The following SIN3A variants were observed in gnomAD, a reference collection of about 807,000 sequenced individuals.
SIN3A encodes the protein paired amphipathic helix protein Sin3a.
A neutral mutation model predicts 146.1 loss-of-function variants in SIN3A; 14 were observed. The ratio of observed to expected loss-of-function variants is 0.10; its 90% confidence interval spans 0.06 to 0.15. The LOEUF is 0.15. Among genes scored for constraint, SIN3A ranks in the 10% least tolerant of loss-of-function variants. The probability of loss-of-function intolerance (pLI) is 1.00; values close to 1 mark genes in which losing one functional copy is unlikely to be tolerated. For missense variants in SIN3A, 1,028 were observed against 1,576.0 expected (o/e 0.65, Z 5.89); for synonymous variants, 572 against 572.0 (o/e 1.00, Z 0.00).
At chr15:75,395,302 A>C (rs1284871815) in intron 13 of SIN3A, among the ~76,000 whole-genome samples, 1 of 152,216 alleles carries the variant, frequency 6.6e-6, no homozygotes, top group Non-Finnish European at 1.5e-5. Flanking sequence ...ACTGATTCTA[A>C]TAACCCAGAA....
At chr15:75,424,541 A>T (rs1055465551) in intron 2 of SIN3A, among the ~76,000 whole-genome samples, 3 of 151,912 alleles carry the variant, frequency 2.0e-5, no homozygotes, top group African/African-American at 7.3e-5. Flanking sequence ...TGGTACAATC[A>T]TGGCTCACTG....
At chr15:75,439,130 G>A (rs1372326267) in intron 1 of SIN3A, among the ~76,000 whole-genome samples, 1 of 152,102 alleles carries the variant, frequency 6.6e-6, no homozygotes, top group African/African-American at 2.4e-5. Flanking sequence ...TGCCTCCCAA[G>A]GGCACATGTA....
intron 15 of SIN3A, among the ~76,000 whole-genome samples, chr15:75,391,619 G>A (rs1332431504): frequency 2.6e-5 from 4 of 152,040 alleles, no homozygotes; most frequent in African/African-American, 2.4e-5. Context: ...CCTAATTTAT[G>A]ACGTGAACTG....
Position 75,414,287 on chromosome 15 carries a change from C to A in SIN3A, c.391G>T (p.Asp131Tyr). The change falls in exon 4 of 21, where the codon GAC (aspartate) becomes TAC (tyrosine). Residue 131 changes from aspartate to tyrosine, a missense_variant. This residue lies in a region of SIN3A where 152 missense variants were observed against 231.5 expected (regional missense o/e 0.66). Coordinates refer to ENST00000394947, the MANE Select transcript of SIN3A (RefSeq NM_001145358.2). ...CTACCAAACTGCAGCTTCACCTGGT[C>A]AAGATAAGATAGCGCATCCTCCACC... ...LKVEDALSYL[D>Y]QVKLQFGSQP... 1 of 1,544,620 alleles carries A rather than the reference C, an allele frequency of 6.5e-7. No homozygotes were observed. The highest frequency in any genetic ancestry group is 1.3e-5 in the South Asian group (1 of 78,026).
At chr15:75,389,575 T>C (rs1274009807) in intron 16 of SIN3A, 77 bp downstream of exon 16, 1 of 1,472,228 alleles carries the variant, frequency 6.8e-7, no homozygotes. Flanking sequence ...AAAAGTTGCC[T>C]TTCCTTTTCC....
At position 75,407,083 on chromosome 15, in the gene SIN3A, C is replaced by T. The variant is rs1239989622; in HGVS notation, c.1379G>A (p.Gly460Asp). The change falls in exon 9 of 21, where the codon GGT (glycine) becomes GAT (aspartate). Residue 460 changes from glycine to aspartate, a missense_variant. By Grantham distance (94) the Gly-to-Asp change is moderately conservative. This residue lies in a region of SIN3A where 62 missense variants were observed against 63.5 expected (regional missense o/e 0.98). Transcript: ENST00000394947. ...ATCAAAAAATAACGATTCTGTTCCA[C>T]CACCATGTTTGCTGGCATCTGCCAT... ...SSMADASKHG[G>D]GTESLFFDKV... The T allele has an allele frequency of 6.2e-7, 1 of 1,612,854 alleles. No homozygotes were observed. The highest frequency in any genetic ancestry group is 8.5e-7 in the Non-Finnish European group (1 of 1,179,336).
chr15:75,423,231 T>C (rs568330488), intron 2 of SIN3A, among the ~76,000 whole-genome samples: 4 of 152,068 alleles, frequency 2.6e-5, no homozygotes, highest in African/African-American at 7.2e-5. Context: ...TGAGCTGTGA[T>C]CACACCACTG....
intron 19 of SIN3A, among the ~76,000 whole-genome samples, chr15:75,378,111 A>T (rs1235984779): frequency 6.6e-6 from 1 of 152,252 alleles, no homozygotes; most frequent in Admixed American, 6.5e-5. Context: ...AACATTTAGT[A>T]GGTGTGTATA....
rs2073995326 is a variant in SIN3A at position 75,430,421 on chromosome 15, A to G, written c.-33-13T>C. 1.3e-6 allele frequency: 2 copies of G among 1,552,912 alleles called. No individual in the cohort carries two copies. The highest frequency in any genetic ancestry group is 2.4e-5 in the South Asian group (2 of 81,942). On this transcript the variant is annotated splice_polypyrimidine_tract_variant and intron_variant, in intron 1 of 20. Transcript: ENST00000394947. ...TGCACTACAAAACCTGCAGAAACCA[A>G]AAGCAATAGCATGCAAGTCAATTCT...
At chr15:75,439,247 C>A (rs145511525) in intron 1 of SIN3A, among the ~76,000 whole-genome samples, 1 of 152,088 alleles carries the variant, frequency 6.6e-6, no homozygotes, top group African/African-American at 2.4e-5. Flanking sequence ...ACAATGCACA[C>A]GACAGTCTCC....
At chr15:75,413,912 G>C (rs777198450) in intron 4 of SIN3A, among the ~76,000 whole-genome samples, 3 of 152,100 alleles carry the variant, frequency 2.0e-5, no homozygotes, top group Non-Finnish European at 2.9e-5. Context: ...CAGAATATAA[G>C]GGTATCTAAA....
intron 6 of SIN3A, among the ~76,000 whole-genome samples, 188 bp downstream of exon 6, chr15:75,411,304 G>C (rs1452986952): frequency 6.6e-6 from 1 of 152,166 alleles, no homozygotes; most frequent in East Asian, 1.9e-4. Flanking sequence ...CTCCAGCCTG[G>C]GTGACAGTGC....
At chr15:75,404,121 C>A (rs182183666) in intron 9 of SIN3A, among the ~76,000 whole-genome samples, 1 of 152,278 alleles carries the variant, frequency 6.6e-6, no homozygotes, top group East Asian at 1.9e-4. Flanking sequence ...CACAGACTGC[C>A]ACCAAACCAA....
chr15:75,432,912 C>T (rs575194357), intron 1 of SIN3A, among the ~76,000 whole-genome samples: 3 of 151,966 alleles, frequency 2.0e-5, no homozygotes, highest in South Asian at 2.1e-4. Context: ...CATGATGGCA[C>T]GCATCTGTAA....
chr15:75,424,855 A>C (rs1415367322), intron 2 of SIN3A, among the ~76,000 whole-genome samples: 1 of 152,202 alleles, frequency 6.6e-6, no homozygotes, highest in Non-Finnish European at 1.5e-5. Flanking sequence ...TTCTATACTT[A>C]TGCCATTACA....
chr15:75,452,140 T>G (rs190309165), upstream of SIN3A, among the ~76,000 whole-genome samples: 5 of 152,280 alleles, frequency 3.3e-5, no homozygotes, highest in East Asian at 9.7e-4. Flanking sequence ...AAAATGTCTG[T>G]AAGTGAAACA....
At chr15:75,407,194 G>T in intron 8 of SIN3A, 50 bp from the exon 9 acceptor site, 2 of 1,277,712 alleles carry the variant, frequency 1.6e-6, no homozygotes, top group South Asian at 1.3e-5. Flanking sequence ...GGTTTTCTCT[G>T]AATTTTATTT....
intron 1 of SIN3A, among the ~76,000 whole-genome samples, chr15:75,432,879 C>T (rs982780957): frequency 7.2e-5 from 11 of 151,764 alleles, no homozygotes; most frequent in African/African-American, 2.4e-4. Flanking sequence ...CCAGTCTCTA[C>T]TAAAAATACA....
At chr15:75,423,398 G>GC (rs1212301761) in intron 2 of SIN3A, among the ~76,000 whole-genome samples, 1 of 152,156 alleles carries the variant, frequency 6.6e-6, no homozygotes, top group Non-Finnish European at 1.5e-5. Flanking sequence ...AAATTATATA[G>GC]CCGGGCACGG....
Sources: allele counts gnomAD v4.1 joint callset (sites outside exome capture counted in the v4.1 genomes callset), GRCh38; gene constraint gnomAD v4.1.1; regional missense constraint gnomAD v4.1.1; transcripts MANE v1.5; gene names NCBI Gene and HGNC (gene_info 2026-07-23, HGNC 2026-07-21).